The following ELP4 variants were observed in gnomAD, a reference collection of about 807,000 sequenced individuals.
The protein encoded by ELP4 is elongator complex protein 4.
ELP4 carries 51 observed loss-of-function variants against 48.9 expected under a neutral mutation model. That is an observed-to-expected ratio of 1.04 (90% CI 0.83 to 1.32). The LOEUF is 1.32. ELP4 is among the 40% of genes most tolerant of loss of function. The pLI is 0.00. For synonymous variants in ELP4, 210 were observed against 189.2 expected, an observed-to-expected ratio of 1.11 and a Z score of -0.90; for missense variants, 519 against 514.6, an observed-to-expected ratio of 1.01 and a Z score of -0.08.
rs544254165 is a variant in ELP4, at chr11:31,710,581, T to C, written c.1143+60360T>C. 2.0e-5 allele frequency among the ~76,000 whole-genome samples: 3 copies of C among 149,620 alleles called. No homozygotes were observed. In the Admixed American group the frequency reaches 2.0e-4, roughly 10 times the overall value. ...CAGAGGTTGCAGTGAGTCCAGATCG[T>C]GCCACTGCACTCTGGCCTAGGTGAC... On this transcript the variant is annotated intron_variant, in intron 9 of 9. Coordinates refer to ENST00000640961, the MANE Select transcript of ELP4 (RefSeq NM_019040.5).
intron 9 of ELP4, among the ~76,000 whole-genome samples, chr11:31,698,884 A>T (rs1451475470): frequency 6.6e-6 from 1 of 152,180 alleles, no homozygotes; most frequent in African/African-American, 2.4e-5. Context: ...ATTACCATGG[A>T]GCACATGAAT....
intron 9 of ELP4, among the ~76,000 whole-genome samples, chr11:31,772,072 A>G (rs973434350): frequency 2.7e-5 from 4 of 148,914 alleles, no homozygotes; most frequent in Admixed American, 2.0e-4. Context: ...TCATATCACC[A>G]TGTTTTGTTT....
intron 1 of ELP4, among the ~76,000 whole-genome samples, chr11:31,518,845 G>A (rs1224597808): frequency 6.9e-6 from 1 of 145,372 alleles, no homozygotes; most frequent in Non-Finnish European, 1.5e-5. Context: ...GCAGTGAGCC[G>A]AGATTGTGCC....
At chr11:31,771,819 G>A (rs370123871) in intron 9 of ELP4, among the ~76,000 whole-genome samples, 136 of 152,210 alleles carry the variant, frequency 8.9e-4, no homozygotes, top group Admixed American at 1.3e-3. Context: ...ATCTACTAAA[G>A]ATACAAAAAT....
intron 3 of ELP4, among the ~76,000 whole-genome samples, chr11:31,562,897 T>G (rs1957044756): frequency 6.6e-6 from 1 of 152,154 alleles, no homozygotes; most frequent in Admixed American, 6.5e-5. Context: ...TCTAAATATT[T>G]TCAATGAAGA....
rs557075620 is a variant in ELP4, at chr11:31,578,591, A to G, written c.382-16179A>G. Among the ~76,000 whole-genome samples, 3 of 152,190 alleles carry G rather than the reference A, an allele frequency of 2.0e-5. No homozygotes were observed. The South Asian group carries it at 6.2e-4, about 32-fold the overall frequency. ...GCATGGTACTGGTACCAAAACAGAGATATAGATCAATGGAACAGAACGGAG... is the reference window on the plus strand; with the variant it reads ...GCATGGTACTGGTACCAAAACAGAGGTATAGATCAATGGAACAGAACGGAG... On this transcript the variant is annotated intron_variant, in intron 3 of 9. Coordinates refer to ENST00000640961, the MANE Select transcript of ELP4 (RefSeq NM_019040.5).
At chr11:31,518,133 T>C (rs886746159) in intron 1 of ELP4, among the ~76,000 whole-genome samples, 71 of 150,904 alleles carry the variant, frequency 4.7e-4, no homozygotes, top group Non-Finnish European at 6.3e-4. Flanking sequence ...TGAGACAGAG[T>C]TTCGCTCTTG....
At chr11:31,645,481 A>G (rs1945180765) in intron 7 of ELP4, among the ~76,000 whole-genome samples, 1 of 151,806 alleles carries the variant, frequency 6.6e-6, no homozygotes. Context: ...TACTATCAGA[A>G]TGGAAATTTA....
chr11:31,645,488 T>A (rs969491429), intron 7 of ELP4, among the ~76,000 whole-genome samples: 1 of 151,764 alleles, frequency 6.6e-6, no homozygotes, highest in African/African-American at 2.4e-5. Context: ...AGAATGGAAA[T>A]TTATCTCATC....
At chr11:31,698,437 G>A (rs1452103541) in intron 9 of ELP4, among the ~76,000 whole-genome samples, 1 of 151,864 alleles carries the variant, frequency 6.6e-6, no homozygotes, top group African/African-American at 2.4e-5. Flanking sequence ...TTTTGAGACA[G>A]GGTTTCACTT....
intron 2 of ELP4, among the ~76,000 whole-genome samples, chr11:31,522,428 T>C (rs1457264465): frequency 6.6e-6 from 1 of 152,204 alleles, no homozygotes; most frequent in Non-Finnish European, 1.5e-5. Context: ...GCTTTATCTA[T>C]TTAATACATC....
At position 31,539,801 on chromosome 11, in the gene ELP4, T is replaced by G; in HGVS notation, c.381+18T>G. On this transcript the variant is annotated intron_variant, in intron 3 of 9. Transcript: ENST00000640961. Reference sequence around the variant, plus strand: ...TTTTACAGGTATAGAATATATGAACTTAATATTGCATTTTGAATGTTTCAT... The same window carrying G: ...TTTTACAGGTATAGAATATATGAACGTAATATTGCATTTTGAATGTTTCAT... 1 of 1,563,420 alleles carries G rather than the reference T, an allele frequency of 6.4e-7. No individual in the cohort carries two copies. Among genetic ancestry groups the G allele is most frequent in the Non-Finnish European group, 8.6e-7 (1 of 1,157,316 alleles).
At chr11:31,690,246 A>T (rs1946248860) in intron 9 of ELP4, among the ~76,000 whole-genome samples, 1 of 152,130 alleles carries the variant, frequency 6.6e-6, no homozygotes, top group Non-Finnish European at 1.5e-5. Context: ...TCTACTAGCT[A>T]AATTGCCAAC....
intron 3 of ELP4, among the ~76,000 whole-genome samples, chr11:31,564,947 G>A (rs1314884427): frequency 5.3e-5 from 8 of 152,224 alleles, no homozygotes; most frequent in East Asian, 1.9e-4. Context: ...CTGAGGAATC[G>A]CCACACTGTC....
chr11:31,674,588 A>ATT (rs1166110920), intron 9 of ELP4, among the ~76,000 whole-genome samples: 15 of 152,260 alleles, frequency 9.9e-5, no homozygotes, highest in African/African-American at 3.6e-4. Context: ...GGAAAGTCTC[A>ATT]TTTATAAAAC....
intron 3 of ELP4, among the ~76,000 whole-genome samples, chr11:31,572,241 G>T (rs144420817): frequency 6.6e-6 from 1 of 152,152 alleles, no homozygotes; most frequent in African/African-American, 2.4e-5. Context: ...TATGGAGAAG[G>T]CTTCTTTTCT....
intron 1 of ELP4, among the ~76,000 whole-genome samples, chr11:31,516,585 T>G (rs1170631403): frequency 6.6e-6 from 1 of 152,214 alleles, no homozygotes; most frequent in Non-Finnish European, 1.5e-5. Context: ...AGCCATAACT[T>G]CCCATGCTCA....
At chr11:31,657,178 A>C (rs1368170824) in intron 9 of ELP4, among the ~76,000 whole-genome samples, 1 of 151,998 alleles carries the variant, frequency 6.6e-6, no homozygotes, top group Non-Finnish European at 1.5e-5. Flanking sequence ...TTTTGTACCT[A>C]AAACATTTCA....
chr11:31,540,832 T>C (rs894112457), intron 3 of ELP4, among the ~76,000 whole-genome samples: 2 of 152,138 alleles, frequency 1.3e-5, no homozygotes, highest in Non-Finnish European at 2.9e-5. Flanking sequence ...GAATCAGAAA[T>C]TAGAAGTACT....
Sources: gnomAD v4.1 joint callset for allele counts (sites outside exome capture counted in the v4.1 genomes callset) on GRCh38, gnomAD v4.1.1 for gene constraint, MANE v1.5 for transcripts, NCBI Gene and HGNC (gene_info 2026-07-23, HGNC 2026-07-21) for gene names.